Variants in UGT1A8 observed in about 807,000 individuals in gnomAD.
UGT1A8 encodes UDP-glucuronosyltransferase 1A8.
A neutral mutation model predicts 45.3 loss-of-function variants in UGT1A8; 39 were observed. The observed-to-expected ratio is 0.86, with a 90% CI of 0.67 to 1.12. The LOEUF is 1.12. Ranked by LOEUF, UGT1A8 falls within the 50% of genes most tolerant of loss-of-function variation. The probability of loss-of-function intolerance (pLI) is 0.00; values close to 1 mark genes in which losing one functional copy is unlikely to be tolerated. For missense variants in UGT1A8, 719 were observed against 664.9 expected, an observed-to-expected ratio of 1.08 and a Z score of -0.90; for synonymous variants, 275 against 249.2, an observed-to-expected ratio of 1.10 and a Z score of -0.97.
Position 233,773,068 on chromosome 2 carries a change from G to C in UGT1A8, c.*509G>C, listed in dbSNP as rs1488458773. Reference sequence around the variant, plus strand: ...TGTACCTTTAGAGTGTAGGTGAAATGAATGAATGGCTTGGAGTGCACTGAG... The same window carrying C: ...TGTACCTTTAGAGTGTAGGTGAAATCAATGAATGGCTTGGAGTGCACTGAG... On this transcript the variant is annotated 3_prime_UTR_variant, in exon 5 of 5. Coordinates refer to ENST00000373450, the MANE Select transcript of UGT1A8 (RefSeq NM_019076.5). 5.8e-6 allele frequency: 1 copy of C among 171,412 alleles called. No homozygotes were observed. Among genetic ancestry groups the C allele is most frequent in the Non-Finnish European group, 1.3e-5 (1 of 78,258 alleles). The allele number at this position is 171,412 out of a possible 1,614,324, so 10.6% of individuals were successfully genotyped here. A position where few individuals can be genotyped will look rare whatever the true frequency, so the allele number is the denominator to read the frequency against.
chr2:233,618,177 T>A lies in UGT1A8; in HGVS notation c.470T>A (p.Val157Asp), dbSNP rs377456120. The A allele has an allele frequency of 1.2e-5, 19 of 1,614,008 alleles. No individual in the cohort carries two copies. Among genetic ancestry groups the A allele is most frequent in the Non-Finnish European group, 1.6e-5 (19 of 1,180,026 alleles). ...CCTTTTGATGCCTGTGGCTTAATTGTTGCCAAATATTTCTCCCTCCCCTCT... is the reference window on the plus strand; with the variant it reads ...CCTTTTGATGCCTGTGGCTTAATTGATGCCAAATATTTCTCCCTCCCCTCT... ...LDPFDACGLIVAKYFSLPSVV... is the reference protein window; with the variant it reads ...LDPFDACGLIDAKYFSLPSVV... Residue 157 changes from valine to aspartate, a missense_variant, in exon 1 of 5, where the codon GTT (valine) becomes GAT (aspartate). Physicochemically the swap from Val to Asp is radical, Grantham distance 152 (BLOSUM62 -3). Transcript: ENST00000373450.
At chr2:233,647,933 T>C (rs549789089) in intron 1 of UGT1A8, 94 of 1,604,578 alleles carry the variant, frequency 5.9e-5, no homozygotes, top group Middle Eastern at 4.2e-4. Context: ...TCACTGCCCA[T>C]GGATGGGAGC....
chr2:233,719,327 T>C, intron 1 of UGT1A8: 1 of 1,613,988 alleles, frequency 6.2e-7, no homozygotes, highest in Non-Finnish European at 8.5e-7. Flanking sequence ...CGATTCCTGC[T>C]GTGTTTTTTT....
At chr2:233,689,335 A>G (rs910891735) in intron 1 of UGT1A8, among the ~76,000 whole-genome samples, 4 of 152,252 alleles carry the variant, frequency 2.6e-5, no homozygotes, top group African/African-American at 9.6e-5. Flanking sequence ...GAGATTTGCA[A>G]TGGGAGAAAG....
At chr2:233,690,658 C>A in intron 1 of UGT1A8, 1 of 1,280,632 alleles carries the variant, frequency 7.8e-7, no homozygotes, top group Admixed American at 2.4e-5. Context: ...CCTACAGCAC[C>A]AACCAGGGCA....
At position 233,769,512 on chromosome 2, in the gene UGT1A8, C is replaced by T; in HGVS notation, c.1295+1073C>T. ...TTATGAGAGTGTCCATTGCTTTCTCCCATGGTTACCTCCTTTAGAAAGAAG... is the reference window on the plus strand; with the variant it reads ...TTATGAGAGTGTCCATTGCTTTCTCTCATGGTTACCTCCTTTAGAAAGAAG... On this transcript the variant is annotated intron_variant, in intron 4 of 4. Transcript: ENST00000373450. This position sits in a 1 kb window ranked among gnomAD's most constrained non-coding sequence, Gnocchi z 4.4. 1 of 1,612,734 alleles carries T rather than the reference C, an allele frequency of 6.2e-7. No homozygotes were observed. The highest frequency in any genetic ancestry group is 8.5e-7 in the Non-Finnish European group (1 of 1,179,852).
Position 233,671,228 on chromosome 2 carries a change from G to A in UGT1A8, c.855+52666G>A, listed in dbSNP as rs190315061. On this transcript the variant is annotated intron_variant, in intron 1 of 4. Coordinates refer to ENST00000373450, the MANE Select transcript of UGT1A8 (RefSeq NM_019076.5). ...AGAGGCAGCTCAGCAGAGTGCTCTCGCAAGGATTGGGCGGGCAACTTCCCA... is the reference window on the plus strand; with the variant it reads ...AGAGGCAGCTCAGCAGAGTGCTCTCACAAGGATTGGGCGGGCAACTTCCCA... Among the ~76,000 whole-genome samples the A allele has an allele frequency of 2.0e-4, 31 of 152,308 alleles. 1 individual carries two copies. The highest frequency in any genetic ancestry group is 7.2e-4 in the African/African-American group (30 of 41,566).
At chr2:233,716,708 A>G (rs545816882) in intron 1 of UGT1A8, among the ~76,000 whole-genome samples, 1 of 152,306 alleles carries the variant, frequency 6.6e-6, no homozygotes, top group South Asian at 2.1e-4. Flanking sequence ...TAAAAACACT[A>G]AAGAGTTCCA....
At chr2:233,690,520 G>T (rs899675613) in intron 1 of UGT1A8, 2 of 1,289,308 alleles carry the variant, frequency 1.6e-6, no homozygotes, top group Non-Finnish European at 2.0e-6. Context: ...TTTATCTTAG[G>T]ATCTACTTCT....
At chr2:233,693,116 C>T in intron 1 of UGT1A8, 1 of 1,614,114 alleles carries the variant, frequency 6.2e-7, no homozygotes, top group Non-Finnish European at 8.5e-7. Context: ...GGACGGAAGC[C>T]ACTGGCTTAG....
intron 1 of UGT1A8, chr2:233,744,108 T>G: frequency 2.5e-6 from 1 of 394,750 alleles, no homozygotes; most frequent in South Asian, 2.1e-5. Flanking sequence ...GGACTGGCCC[T>G]GCTCTCTGTG....
intron 1 of UGT1A8, among the ~76,000 whole-genome samples, chr2:233,631,668 C>A (rs774780750): frequency 6.6e-6 from 1 of 151,888 alleles, no homozygotes; most frequent in Non-Finnish European, 1.5e-5. Context: ...ATCCTTCGAC[C>A]GCTTTTTGAT....
chr2:233,747,593 T>A (rs1693725336), intron 1 of UGT1A8: 2 of 1,577,004 alleles, frequency 1.3e-6, no homozygotes, highest in Non-Finnish European at 1.7e-6. Flanking sequence ...TTCATAGGTC[T>A]TGTGTGGAGC....
intron 1 of UGT1A8, among the ~76,000 whole-genome samples, chr2:233,677,510 T>C (rs2074392610): frequency 6.6e-6 from 1 of 152,186 alleles, no homozygotes; most frequent in East Asian, 1.9e-4. Context: ...TATTATATCC[T>C]GTATTATGAC....
At position 233,620,234 on chromosome 2, in the gene UGT1A8, C is replaced by T. The variant is rs537958796; in HGVS notation, c.855+1672C>T. On this transcript the variant is annotated intron_variant, in intron 1 of 4. Transcript: ENST00000373450. Reference sequence around the variant, plus strand: ...CAGTTGTAGGCCTTTCAAAATTAGGCATGACTTTCAGCTCACGGCAAGATC... The same window carrying T: ...CAGTTGTAGGCCTTTCAAAATTAGGTATGACTTTCAGCTCACGGCAAGATC... Among the ~76,000 whole-genome samples the T allele has an allele frequency of 3.3e-5, 5 of 152,286 alleles. No individual in the cohort carries two copies. In the East Asian group the frequency reaches 7.7e-4, roughly 23 times the overall value.
intron 1 of UGT1A8, chr2:233,682,062 A>C (rs754287322): frequency 6.2e-7 from 1 of 1,614,126 alleles, no homozygotes; most frequent in South Asian, 1.1e-5. Flanking sequence ...TTCACCATGC[A>C]GTCGGTGGTG....
chr2:233,698,831 G>A (rs1290977485), intron 1 of UGT1A8, among the ~76,000 whole-genome samples: 1 of 152,228 alleles, frequency 6.6e-6, no homozygotes, highest in Admixed American at 6.5e-5. Flanking sequence ...AGTAAGGCAG[G>A]ATCACTTCCC....
At chr2:233,754,435 GTTT>G (rs1438333697) in intron 1 of UGT1A8, 18 of 350,500 alleles carry the variant, frequency 5.1e-5, no homozygotes, top group Non-Finnish European at 5.6e-6. Context: ...GGCATAAAGT[GTTT>G]ATAAATTCTT....
chr2:233,727,225 C>G (rs1417750017), intron 1 of UGT1A8, among the ~76,000 whole-genome samples: 1 of 152,168 alleles, frequency 6.6e-6, no homozygotes, highest in Non-Finnish European at 1.5e-5. Context: ...TCCACATATG[C>G]GGATGGCTCC....
Sources: allele counts gnomAD v4.1 joint callset (sites outside exome capture counted in the v4.1 genomes callset), GRCh38; gene constraint gnomAD v4.1.1; non-coding constraint Gnocchi (gnomAD v3.1); transcripts MANE v1.5; gene names NCBI Gene and HGNC (gene_info 2026-07-23, HGNC 2026-07-21).